Variants in UBR3 observed in about 807,000 individuals in gnomAD.
UBR3 encodes the protein E3 ubiquitin-protein ligase UBR3.
UBR3 carries 85 observed loss-of-function variants against 243.2 expected under a neutral mutation model. That is an observed-to-expected ratio of 0.35 (90% CI 0.29 to 0.42). The LOEUF (loss-of-function observed/expected upper bound fraction) is 0.42. Among genes scored for constraint, UBR3 ranks in the 10% least tolerant of loss-of-function variants. The pLI, the probability that UBR3 is intolerant of heterozygous loss-of-function variation, is 1.00. For synonymous variants in UBR3, 748 were observed against 799.8 expected (o/e 0.94, Z 1.09); for missense variants, 1,686 against 2,300.8 (o/e 0.73, Z 5.47).
intron 1 of UBR3, among the ~76,000 whole-genome samples, chr2:169,860,948 A>C (rs2083067030): frequency 6.6e-6 from 1 of 152,210 alleles, no homozygotes; most frequent in Non-Finnish European, 1.5e-5. Flanking sequence ...CCCCTGGCAA[A>C]CCGCTGGTGT....
intron 19 of UBR3, among the ~76,000 whole-genome samples, chr2:169,939,575 T>A (rs1189490843): frequency 6.8e-6 from 1 of 147,078 alleles, no homozygotes; most frequent in Non-Finnish European, 1.5e-5. Flanking sequence ...CCTTTTTTTT[T>A]CCTTTTTTGA....
chr2:169,983,113 G>A (rs1559156732), intron 24 of UBR3, among the ~76,000 whole-genome samples: 1 of 151,888 alleles, frequency 6.6e-6, no homozygotes, highest in African/African-American at 2.4e-5. Context: ...AACTATGCAA[G>A]GTGGAGTTGA....
rs575645202 is a variant in UBR3, at chr2:169,911,494, C to T, written c.1780-2566C>T. On this transcript the variant is annotated intron_variant, in intron 10 of 38. Transcript: ENST00000272793. ...AGACTCATAAAATTTAAGTAATTTGCTCAAGGTCATAAAACTAGTAAGTTA... is the reference window on the plus strand; with the variant it reads ...AGACTCATAAAATTTAAGTAATTTGTTCAAGGTCATAAAACTAGTAAGTTA... 5.3e-5 allele frequency among the ~76,000 whole-genome samples: 8 copies of T among 152,148 alleles called. 1 individual carries two copies. The South Asian group carries it at 1.5e-3, about 28-fold the overall frequency.
chr2:169,926,976 AACTC>A lies in UBR3; in HGVS notation c.2338+9_2338+12del, dbSNP rs1559101632. Reference sequence around the variant, plus strand: ...TGAGTCTTCGTTTACATTTAGGTAAAACTCACTGATACTAATACTTATGCATTAA... The same window carrying A: ...TGAGTCTTCGTTTACATTTAGGTAAAACTGATACTAATACTTATGCATTAA... On this transcript the variant is annotated splice_donor_region_variant and intron_variant, in intron 16 of 38. Coordinates refer to ENST00000272793, the MANE Select transcript of UBR3 (RefSeq NM_172070.4). 4 of 1,550,026 alleles carry A rather than the reference AACTC, an allele frequency of 2.6e-6. No homozygotes were observed. The highest frequency in any genetic ancestry group is 3.5e-6 in the Non-Finnish European group (4 of 1,146,168).
chr2:170,025,139 T>C (rs915549491), intron 30 of UBR3, among the ~76,000 whole-genome samples: 18 of 152,222 alleles, frequency 1.2e-4, no homozygotes, highest in African/African-American at 3.6e-4. Flanking sequence ...CTTTTAAAAA[T>C]CCTATTATAT....
intron 24 of UBR3, among the ~76,000 whole-genome samples, chr2:169,980,739 G>A (rs1427582244): frequency 6.6e-6 from 1 of 150,444 alleles, no homozygotes; most frequent in Non-Finnish European, 1.5e-5. Flanking sequence ...TTAGCATTAG[G>A]TATATCTCCT....
chr2:169,939,926 A>G (rs1389956372), intron 19 of UBR3, among the ~76,000 whole-genome samples: 1 of 152,026 alleles, frequency 6.6e-6, no homozygotes, highest in Non-Finnish European at 1.5e-5. Flanking sequence ...ATACTTGGTC[A>G]TTGCTGTTGT....
At chr2:169,890,575 A>ATGTG (rs1465918567) in intron 5 of UBR3, among the ~76,000 whole-genome samples, 3 of 120,172 alleles carry the variant, frequency 2.5e-5, no homozygotes, top group African/African-American at 9.7e-5. Flanking sequence ...GTGTATATAT[A>ATGTG]TATATGTATA....
In UBR3 at chr2:169,906,020, A is replaced by G; in HGVS notation, c.1646-11A>G. 6.5e-7 allele frequency: 1 copy of G among 1,548,436 alleles called. No individual in the cohort carries two copies. The highest frequency in any genetic ancestry group is 8.7e-7 in the Non-Finnish European group (1 of 1,146,082). On this transcript the variant is annotated splice_polypyrimidine_tract_variant and intron_variant, in intron 9 of 38. Transcript: ENST00000272793. ...CTTGACAAGGTTTATATCTGCTTTA[A>G]TTTTTGCCAGGTATGAACTTAAACA...
chr2:170,051,397 G>A (rs138158168), intron 32 of UBR3, among the ~76,000 whole-genome samples: 6,123 of 152,200 alleles, frequency 0.04, 181 homozygotes, highest in East Asian at 0.11. Flanking sequence ...AGGCTGGAGT[G>A]CAATGGCACC....
intron 18 of UBR3, among the ~76,000 whole-genome samples, chr2:169,931,280 G>A (rs2086114104): frequency 6.7e-6 from 1 of 149,672 alleles, no homozygotes; most frequent in South Asian, 2.1e-4. Context: ...GAACCTGGGA[G>A]GCGGAGCTTG....
intron 24 of UBR3, among the ~76,000 whole-genome samples, chr2:169,959,351 C>A (rs2087458689): frequency 6.8e-6 from 1 of 147,396 alleles, no homozygotes; most frequent in South Asian, 2.2e-4. Context: ...AGATTGAGCA[C>A]CCCTAATCTG....
chr2:169,866,703 G>T (rs911372964), intron 1 of UBR3, among the ~76,000 whole-genome samples: 5 of 152,118 alleles, frequency 3.3e-5, no homozygotes, highest in Non-Finnish European at 5.9e-5. Flanking sequence ...TTAAATCAAG[G>T]TTTAAACCTT....
At chr2:169,947,983 T>TGGAAATGG (rs2086851588) in intron 22 of UBR3, 1 of 978,078 alleles carries the variant, frequency 1.0e-6, no homozygotes, top group Admixed American at 6.2e-5. Flanking sequence ...TGGCTTTAAC[T>TGGAAATGG]GGAAATGGGG....
At chr2:170,035,913 G>T (rs1000428466) in intron 31 of UBR3, among the ~76,000 whole-genome samples, 6 of 125,850 alleles carry the variant, frequency 4.8e-5, no homozygotes, top group African/African-American at 1.6e-4. Flanking sequence ...ATTTTATTGG[G>T]GGGGGGGTTG....
At chr2:169,847,980 A>G (rs1473218555) in intron 1 of UBR3, among the ~76,000 whole-genome samples, 2 of 152,196 alleles carry the variant, frequency 1.3e-5, no homozygotes, top group Non-Finnish European at 2.9e-5. Context: ...TCTGTCCTAT[A>G]AGCTATAGCA....
chr2:170,056,238 C>G (rs2091333723), intron 33 of UBR3, among the ~76,000 whole-genome samples: 1 of 151,958 alleles, frequency 6.6e-6, no homozygotes, highest in South Asian at 2.1e-4. Context: ...GAACTCCTGA[C>G]CTTGTGATCC....
chr2:170,011,128 G>C (rs1431405835), intron 29 of UBR3, among the ~76,000 whole-genome samples: 2 of 152,088 alleles, frequency 1.3e-5, no homozygotes, highest in African/African-American at 2.4e-5. Context: ...AGCTGTGATT[G>C]AGCGACTGCA....
chr2:170,050,110 A>G (rs2091183281), intron 32 of UBR3, among the ~76,000 whole-genome samples: 1 of 152,178 alleles, frequency 6.6e-6, no homozygotes, highest in Admixed American at 6.5e-5. Flanking sequence ...CGGACTTGGT[A>G]TCTTTTCTTG....
Sources: gnomAD v4.1 joint callset for allele counts (sites outside exome capture counted in the v4.1 genomes callset) on GRCh38, gnomAD v4.1.1 for gene constraint, MANE v1.5 for transcripts, NCBI Gene and HGNC (gene_info 2026-07-23, HGNC 2026-07-21) for gene names.